CARD8: variants seen among roughly 807,000 people sequenced by gnomAD.
CARD8 encodes the protein caspase recruitment domain family member 8, also known as caspase recruitment domain-containing protein 8.
Under a neutral mutation model 53.2 loss-of-function variants are expected in CARD8, and 38 were observed. That is an observed-to-expected ratio of 0.71 (90% CI 0.55 to 0.94). The LOEUF (loss-of-function observed/expected upper bound fraction) is 0.94. Ranked by LOEUF, CARD8 falls within the 40% of genes least tolerant of loss-of-function variation. The probability of loss-of-function intolerance (pLI) is 0.00; values close to 1 mark genes in which losing one functional copy is unlikely to be tolerated. For missense variants in CARD8, 561 were observed against 655.5 expected (o/e 0.86, Z 1.57); for synonymous variants, 245 against 244.9 (o/e 1.00, Z 0.00).
intron 7 of CARD8, chr19:48,232,030 A>G (rs4802448): frequency 0.69 from 437,915 of 634,524 alleles, 152,009 homozygotes; most frequent in African/African-American, 0.78. Flanking sequence ...ATTCCATAAG[A>G]CTTTCTGGGA....
At chr19:48,252,860 C>T (rs1465362469) in intron 1 of CARD8, among the ~76,000 whole-genome samples, 1 of 151,728 alleles carries the variant, frequency 6.6e-6, no homozygotes, top group East Asian at 1.9e-4. Flanking sequence ...TATACAACTA[C>T]ATAGGTATTT....
chr19:48,234,675 C>T, intron 5 of CARD8, 132 bp from the exon 6 acceptor site: 1 of 732,166 alleles, frequency 1.4e-6, no homozygotes, highest in Non-Finnish European at 2.2e-6. Flanking sequence ...ATTCCTCAGG[C>T]CCCTACGACT....
chr19:48,217,735 C>T (rs2039627022), intron 12 of CARD8, among the ~76,000 whole-genome samples: 1 of 152,158 alleles, frequency 6.6e-6, no homozygotes, highest in Non-Finnish European at 1.5e-5. Context: ...GTTATTCAAA[C>T]AGAGCATGGC....
chr19:48,227,657 G>A (rs2042048993), intron 10 of CARD8, among the ~76,000 whole-genome samples: 1 of 151,992 alleles, frequency 6.6e-6, no homozygotes, highest in Admixed American at 6.6e-5. Flanking sequence ...ACAAGAATTA[G>A]CCAGGTGTGG....
intron 7 of CARD8, chr19:48,232,086 T>C: frequency 1.8e-6 from 1 of 560,880 alleles, no homozygotes; most frequent in Non-Finnish European, 3.2e-6. Context: ...TGCTGAGGAC[T>C]GGAACCAATG....
intron 6 of CARD8, chr19:48,232,916 C>A (rs1373780336): frequency 5.0e-6 from 2 of 396,230 alleles, no homozygotes. Context: ...GTATTATGCC[C>A]ACGTTCAATG....
intron 13 of CARD8, among the ~76,000 whole-genome samples, chr19:48,213,826 T>C (rs984870397): frequency 1.3e-5 from 2 of 152,330 alleles, no homozygotes; most frequent in East Asian, 3.9e-4. Flanking sequence ...CACTCAATCA[T>C]CCACGCTGTT....
intron 10 of CARD8, among the ~76,000 whole-genome samples, chr19:48,229,704 G>A (rs141114591): frequency 2.6e-5 from 4 of 152,370 alleles, no homozygotes; most frequent in African/African-American, 4.8e-5. Context: ...AGAAGAGAGT[G>A]TGGGAATATG....
chr19:48,232,676 T>C (rs1477706830), intron 6 of CARD8, 183 bp from the exon 7 acceptor site: 4 of 693,794 alleles, frequency 5.8e-6, no homozygotes, highest in Non-Finnish European at 7.9e-6. Context: ...AGTTGCACTA[T>C]CCATATTTCA....
chr19:48,235,846 A>G (rs2043776580), intron 5 of CARD8, among the ~76,000 whole-genome samples: 1 of 149,868 alleles, frequency 6.7e-6, no homozygotes, highest in African/African-American at 2.4e-5. Flanking sequence ...AAAGGAAAGC[A>G]AAAAAAAAGA....
chr19:48,204,938 C>G (rs1386322626), downstream of CARD8, among the ~76,000 whole-genome samples: 1 of 152,146 alleles, frequency 6.6e-6, no homozygotes, highest in Non-Finnish European at 1.5e-5. Flanking sequence ...TCGGAAAATG[C>G]ATAATATTGT....
At chr19:48,203,936 C>A, downstream of CARD8, 1 of 284,492 alleles carries the variant, frequency 3.5e-6, no homozygotes. Context: ...CCAGCGCTTT[C>A]GCGTCCAAGT....
At chr19:48,236,221 T>C (rs532101390) in intron 5 of CARD8, among the ~76,000 whole-genome samples, 7 of 152,294 alleles carry the variant, frequency 4.6e-5, no homozygotes, top group Admixed American at 3.3e-4. Flanking sequence ...TTATTTTTAT[T>C]TTTTAAATTG....
In CARD8 at chr19:48,211,880, T is replaced by C; in HGVS notation, c.1444A>G (p.Thr482Ala). 6.2e-7 allele frequency: 1 copy of C among 1,614,120 alleles called. No individual in the cohort carries two copies. Among genetic ancestry groups the C allele is most frequent in the Non-Finnish European group, 8.5e-7 (1 of 1,180,000 alleles). ...TCCACCAGCTCCTTCTCATTCTCAG[T>C]AAGAACCTCATTGTCTTGGAGATCA... ...LDDLQDNEVL[T>A]ENEKELVEQE... The change falls in exon 14 of 14, where the codon ACT (threonine) becomes GCT (alanine). Residue 482 changes from threonine to alanine, a missense_variant. Coordinates refer to ENST00000651546, the MANE Select transcript of CARD8 (RefSeq NM_001184900.3).
chr19:48,223,815 T>C, intron 10 of CARD8: 1 of 456,168 alleles, frequency 2.2e-6, no homozygotes, highest in South Asian at 1.5e-5. Flanking sequence ...TCTTTGGTTG[T>C]CATGTTTTTG....
intron 3 of CARD8, among the ~76,000 whole-genome samples, chr19:48,249,189 T>TC (rs1415019079): frequency 6.7e-6 from 1 of 148,704 alleles, no homozygotes; most frequent in Non-Finnish European, 1.5e-5. Flanking sequence ...AGAACGAGAC[T>TC]CCGTCTCAAA....
intron 5 of CARD8, among the ~76,000 whole-genome samples, chr19:48,237,986 G>C (rs953924311): frequency 2.0e-5 from 3 of 151,700 alleles, no homozygotes; most frequent in Non-Finnish European, 2.9e-5. Flanking sequence ...CGCCTCCCAG[G>C]TTTGAGCAAT....
chr19:48,246,238 GT>G (rs1441154029), intron 3 of CARD8, among the ~76,000 whole-genome samples: 1 of 152,138 alleles, frequency 6.6e-6, no homozygotes, highest in African/African-American at 2.4e-5. Context: ...GGTCATGCAT[GT>G]TTGTCTTCTG....
chr19:48,233,348 G>A (rs891273198), intron 6 of CARD8: 17 of 456,264 alleles, frequency 3.7e-5, no homozygotes, highest in East Asian at 1.4e-4. Context: ...TTATTTCGAC[G>A]TGAAAGAGAC....
Sources: gnomAD v4.1 joint callset for allele counts (sites outside exome capture counted in the v4.1 genomes callset) on GRCh38, gnomAD v4.1.1 for gene constraint, MANE v1.5 for transcripts, NCBI Gene and HGNC (gene_info 2026-07-23, HGNC 2026-07-21) for gene names.